ZNF827: variants seen among roughly 807,000 people sequenced by gnomAD.
The protein encoded by ZNF827 is zinc finger protein 827.
A neutral mutation model predicts 102.4 loss-of-function variants in ZNF827; 13 were observed. The ratio of observed to expected loss-of-function variants is 0.13; its 90% CI spans 0.08 to 0.20. ZNF827 has a LOEUF of 0.20. Among genes scored for constraint, ZNF827 ranks in the 10% least tolerant of loss-of-function variants. ZNF827 has a pLI of 1.00. For synonymous variants in ZNF827, 523 were observed against 536.2 expected, an observed-to-expected ratio of 0.98 and a Z score of 0.34; for missense variants, 1,103 against 1,344.4, an observed-to-expected ratio of 0.82 and a Z score of 2.81.
intron 7 of ZNF827, among the ~76,000 whole-genome samples, chr4:145,838,653 T>C (rs995790757): frequency 3.9e-5 from 6 of 151,922 alleles, no homozygotes; most frequent in Admixed American, 1.3e-4. Flanking sequence ...AGAATGTCCA[T>C]GGAAAAATGG....
chr4:145,831,551 T>C (rs1340454504), intron 7 of ZNF827: 1 of 152,180 alleles, frequency 6.6e-6, no homozygotes, highest in African/African-American at 2.4e-5. Context: ...TTTTTGGAGG[T>C]GACAAGGAAG....
intron 1 of ZNF827, among the ~76,000 whole-genome samples, chr4:145,936,185 C>A (rs546109701): frequency 2.0e-5 from 3 of 151,914 alleles, no homozygotes; most frequent in Non-Finnish European, 4.4e-5. Flanking sequence ...CCCCCACACG[C>A]CCCCGACAAG....
intron 8 of ZNF827, among the ~76,000 whole-genome samples, chr4:145,809,923 C>T (rs933753140): frequency 4.6e-5 from 7 of 152,150 alleles, no homozygotes; most frequent in Non-Finnish European, 8.8e-5. Context: ...CTAGGCTGCC[C>T]TGCATTAATT....
chr4:145,935,999 A>C (rs1004224710), intron 1 of ZNF827, among the ~76,000 whole-genome samples: 6 of 150,872 alleles, frequency 4.0e-5, no homozygotes, highest in African/African-American at 1.5e-4. Flanking sequence ...AAGCAGGGGG[A>C]GAAGAGAAGA....
intron 7 of ZNF827, among the ~76,000 whole-genome samples, chr4:145,841,039 C>T (rs1745366890): frequency 6.6e-6 from 1 of 152,224 alleles, no homozygotes; most frequent in South Asian, 2.1e-4. Flanking sequence ...ACAATTCAGG[C>T]AAACTCTTCC....
chr4:145,920,691 A>T (rs1471375797), intron 1 of ZNF827, among the ~76,000 whole-genome samples: 2 of 152,224 alleles, frequency 1.3e-5, no homozygotes, highest in Non-Finnish European at 2.9e-5. Flanking sequence ...TGGTTCTGTG[A>T]CCCAGTCTTA....
At chr4:145,926,029 C>T (rs1156817488) in intron 1 of ZNF827, among the ~76,000 whole-genome samples, 1 of 152,202 alleles carries the variant, frequency 6.6e-6, no homozygotes, top group South Asian at 2.1e-4. Context: ...TATGAAAATA[C>T]TTTTCAAGCT....
At chr4:145,816,772 C>T (rs1189358712) in intron 8 of ZNF827, among the ~76,000 whole-genome samples, 1 of 152,222 alleles carries the variant, frequency 6.6e-6, no homozygotes, top group Middle Eastern at 3.2e-3. Flanking sequence ...CCTGCAAGTA[C>T]ATCAAAGAAG....
intron 1 of ZNF827, among the ~76,000 whole-genome samples, chr4:145,932,524 G>T (rs951337881): frequency 1.3e-5 from 2 of 151,164 alleles, no homozygotes; most frequent in South Asian, 2.1e-4. Context: ...GAACAGGCTG[G>T]AGTGTAGTGG....
At chr4:145,903,250 A>T in intron 1 of ZNF827, 35 bp from the exon 2 acceptor site, 1 of 1,562,156 alleles carries the variant, frequency 6.4e-7, no homozygotes. Context: ...TTTACTCCCA[A>T]AGTGAACAAT....
intron 7 of ZNF827, among the ~76,000 whole-genome samples, chr4:145,825,725 CA>C (rs1743612415): frequency 6.6e-6 from 1 of 152,152 alleles, no homozygotes; most frequent in South Asian, 2.1e-4. Context: ...ATGCTGTCTT[CA>C]AAAGTGTGGA....
intron 11 of ZNF827, among the ~76,000 whole-genome samples, chr4:145,766,141 G>A (rs921768137): frequency 1.1e-4 from 16 of 152,138 alleles, no homozygotes; most frequent in African/African-American, 3.9e-4. Flanking sequence ...GTCACAGAAA[G>A]GTTAATCTGG....
chr4:145,863,521 T>C (rs1328119509), intron 5 of ZNF827, among the ~76,000 whole-genome samples: 3 of 152,166 alleles, frequency 2.0e-5, no homozygotes, highest in Non-Finnish European at 2.9e-5. Flanking sequence ...ATCCATACAA[T>C]GGAATATCAT....
intron 6 of ZNF827, among the ~76,000 whole-genome samples, chr4:145,848,428 T>C (rs1309900031): frequency 6.6e-6 from 1 of 152,226 alleles, no homozygotes; most frequent in Non-Finnish European, 1.5e-5. Context: ...TTTCCTGGTA[T>C]CTTCCTTAAG....
chr4:145,794,883 T>A (rs1740219077), intron 8 of ZNF827, among the ~76,000 whole-genome samples: 1 of 152,028 alleles, frequency 6.6e-6, no homozygotes, highest in Non-Finnish European at 1.5e-5. Flanking sequence ...AAACCATGGG[T>A]TAAAAAGTGA....
chr4:145,936,836 G>A (rs1754210025), intron 1 of ZNF827, among the ~76,000 whole-genome samples: 2 of 152,148 alleles, frequency 1.3e-5, no homozygotes, highest in Admixed American at 6.5e-5. Context: ...GGGCGCTCCG[G>A]CTCCACTCCC....
chr4:145,761,655 G>A lies in ZNF827; in HGVS notation c.*18-57C>T, dbSNP rs1206359312. ...GCCGGGAAGGTTCGGAGGCAGCCGCGCTTCTCGCCGCCTCACCAGCCTTCC... is the reference window on the plus strand; with the variant it reads ...GCCGGGAAGGTTCGGAGGCAGCCGCACTTCTCGCCGCCTCACCAGCCTTCC... On this transcript the variant is annotated intron_variant, in intron 14 of 14. Transcript: ENST00000508784. This position sits in a 1 kb window ranked among gnomAD's most constrained non-coding sequence, Gnocchi z 6.8. 1.9e-5 allele frequency: 20 copies of A among 1,062,552 alleles called. No individual in the cohort carries two copies. The highest frequency in any genetic ancestry group is 2.8e-5 in the Admixed American group (1 of 36,276). The allele number at this position is 1,062,552 out of a possible 1,614,324, so 65.8% of individuals were successfully genotyped here.
intron 8 of ZNF827, among the ~76,000 whole-genome samples, chr4:145,786,792 T>C (rs1738927391): frequency 6.6e-6 from 1 of 152,242 alleles, no homozygotes; most frequent in African/African-American, 2.4e-5. Context: ...GTTCCAGTGC[T>C]TGCAGCTCGT....
chr4:145,863,511 A>G (rs1392345579), intron 5 of ZNF827, among the ~76,000 whole-genome samples: 1 of 152,252 alleles, frequency 6.6e-6, no homozygotes, highest in Non-Finnish European at 1.5e-5. Context: ...AATGTGGTAT[A>G]TCCATACAAT....
Sources: allele counts gnomAD v4.1 joint callset (sites outside exome capture counted in the v4.1 genomes callset), GRCh38; gene constraint gnomAD v4.1.1; non-coding constraint Gnocchi (gnomAD v3.1); transcripts MANE v1.5; gene names NCBI Gene and HGNC (gene_info 2026-07-23, HGNC 2026-07-21).